Variants in TSKU observed in about 807,000 individuals in gnomAD.
The protein encoded by TSKU is tsukushi, small leucine rich proteoglycan.
A neutral mutation model predicts 11.2 loss-of-function variants in TSKU; 4 were observed. That is an observed-to-expected ratio of 0.36 (90% CI 0.18 to 0.82). The LOEUF (loss-of-function observed/expected upper bound fraction) is 0.82, where lower values mean the gene tolerates loss of function less well. TSKU is among the 40% of genes least tolerant of loss of function. The pLI, the probability that TSKU is intolerant of heterozygous loss-of-function variation, is 0.50. For missense variants in TSKU, 407 were observed against 482.5 expected (o/e 0.84, Z 1.47); for synonymous variants, 220 against 232.2 (o/e 0.95, Z 0.48).
At chr11:76,795,539 G>C in intron 1 of TSKU, 70 bp from the exon 2 acceptor site, 1 of 1,536,910 alleles carries the variant, frequency 6.5e-7, no homozygotes, top group Non-Finnish European at 8.8e-7. Context: ...GTCTAGACTG[G>C]GCTCATGTCC....
At position 76,796,500 on chromosome 11, in the gene TSKU, C is replaced by G; in HGVS notation, c.884C>G (p.Pro295Arg). Residue 295 changes from proline (P) to arginine (R), a missense_variant, in exon 2 of 2, where the codon CCT becomes CGT. Coordinates refer to ENST00000333090, the MANE Select transcript of TSKU (RefSeq NM_015516.4). This position sits in a 1 kb window ranked among gnomAD's most constrained non-coding sequence, Gnocchi z 4.1. ...TCGGGCACCAACCTGGTGCCCCTGC[C>G]TGAGGCGCTGCTCCTCCACCTCCCG... ...DLSGTNLVPL[P>R]EALLLHLPAL... The G allele has an allele frequency of 1.2e-6, 2 of 1,612,430 alleles. No individual in the cohort carries two copies. Among genetic ancestry groups the G allele is most frequent in the Non-Finnish European group, 1.7e-6 (2 of 1,179,298 alleles).
At chr11:76,788,595 A>G (rs941495797) in intron 1 of TSKU, among the ~76,000 whole-genome samples, 3 of 152,204 alleles carry the variant, frequency 2.0e-5, no homozygotes, top group Non-Finnish European at 4.4e-5. Flanking sequence ...TTTGTGTAGC[A>G]GATAGTGAGT....
At chr11:76,788,062 T>C (rs1944328892) in intron 1 of TSKU, among the ~76,000 whole-genome samples, 1 of 152,206 alleles carries the variant, frequency 6.6e-6, no homozygotes, top group Non-Finnish European at 1.5e-5. Context: ...TGAAATTCTT[T>C]CTGCCTTGCG....
Position 76,797,149 on chromosome 11 carries a change from G to A in TSKU, c.*471G>A, listed in dbSNP as rs1206416119. 3.5e-5 allele frequency: 6 copies of A among 169,278 alleles called. No individual in the cohort carries two copies. The highest frequency in any genetic ancestry group is 9.6e-5 in the African/African-American group (4 of 41,534). The allele number at this position is 169,278 out of a possible 1,614,324, so 10.5% of individuals were successfully genotyped here. On this transcript the variant is annotated 3_prime_UTR_variant, in exon 2 of 2. Coordinates refer to ENST00000333090, the MANE Select transcript of TSKU (RefSeq NM_015516.4). The stretch of plus-strand genomic sequence containing the variant: ...TCTTTGCCATGAGGCCATGAGGCCC[G>A]CTTCATCCTTTTCTATTTCCCTAGA...
rs192021090 is a variant in TSKU, at chr11:76,793,224, C to T, written c.-8-2385C>T. ...CTTTACATCAGATGCCTCTTTACAT[C>T]GGCTGTTACTACCATTGCCTCAGTT... On this transcript the variant is annotated intron_variant, in intron 1 of 1. Coordinates refer to ENST00000333090, the MANE Select transcript of TSKU (RefSeq NM_015516.4). 3.3e-4 allele frequency among the ~76,000 whole-genome samples: 51 copies of T among 152,396 alleles called. No homozygotes were observed. In the East Asian group the frequency reaches 7.5e-3, roughly 22 times the overall value.
chr11:76,787,577 G>T (rs1438205250), intron 1 of TSKU, among the ~76,000 whole-genome samples: 2 of 152,154 alleles, frequency 1.3e-5, no homozygotes, highest in Admixed American at 1.3e-4. Flanking sequence ...CTGAACAGAT[G>T]GTAGTTGAGG....
In TSKU at chr11:76,795,166, C is replaced by T. The variant is rs117600270; in HGVS notation, c.-8-443C>T. Among the ~76,000 whole-genome samples the T allele has an allele frequency of 5.1e-3, 772 of 152,308 alleles. 3 individuals carry two copies. Among genetic ancestry groups the T allele is most frequent in the Non-Finnish European group, 7.4e-3 (501 of 68,016 alleles). On this transcript the variant is annotated intron_variant, in intron 1 of 1. Coordinates refer to ENST00000333090, the MANE Select transcript of TSKU (RefSeq NM_015516.4). ...CAGCCCTGTGGATGAGCCCCTCACC[C>T]GGGGCCCGAGGTCTAGACCAAACCA...
intron 1 of TSKU, among the ~76,000 whole-genome samples, chr11:76,793,138 A>C (rs1944396878): frequency 6.6e-6 from 1 of 152,264 alleles, no homozygotes; most frequent in African/African-American, 2.4e-5. Context: ...AGGGCTGAGC[A>C]AGGAACCTAG....
intron 1 of TSKU, among the ~76,000 whole-genome samples, chr11:76,783,834 C>T (rs1459855858): frequency 6.6e-6 from 1 of 152,188 alleles, no homozygotes; most frequent in African/African-American, 2.4e-5. Context: ...CGTACGTGGT[C>T]GGTGCCTGCC....
intron 1 of TSKU, among the ~76,000 whole-genome samples, chr11:76,786,017 A>G (rs1029720222): frequency 2.0e-5 from 3 of 152,284 alleles, no homozygotes; most frequent in African/African-American, 7.2e-5. Flanking sequence ...TGTGTATTAC[A>G]TTGTGCAGAC....
At position 76,789,242 on chromosome 11, in the gene TSKU, T is replaced by C. The variant is rs150858952; in HGVS notation, c.-9+5838T>C. 2.2e-3 allele frequency among the ~76,000 whole-genome samples: 336 copies of C among 152,310 alleles called. 1 individual carries two copies. Among genetic ancestry groups the C allele is most frequent in the African/African-American group, 7.8e-3 (326 of 41,562 alleles). On this transcript the variant is annotated intron_variant, in intron 1 of 1. Coordinates refer to ENST00000333090, the MANE Select transcript of TSKU (RefSeq NM_015516.4). ...CATCAAGGGAAGGCTGTTCCCACTTTGGCTGTCAAGGAGGGTTCAAATCCA... is the reference window on the plus strand; with the variant it reads ...CATCAAGGGAAGGCTGTTCCCACTTCGGCTGTCAAGGAGGGTTCAAATCCA...
intron 1 of TSKU, among the ~76,000 whole-genome samples, chr11:76,783,668 C>T (rs1315539562): frequency 6.6e-6 from 1 of 152,208 alleles, no homozygotes; most frequent in Non-Finnish European, 1.5e-5. Context: ...ACACGTGCAT[C>T]TCACGTTTGT....
intron 1 of TSKU, among the ~76,000 whole-genome samples, chr11:76,790,885 T>C (rs767820045): frequency 2.0e-5 from 3 of 151,784 alleles, no homozygotes; most frequent in Admixed American, 6.6e-5. Context: ...CAAGCAGAGG[T>C]TGGAACAGTT....
intron 1 of TSKU, among the ~76,000 whole-genome samples, chr11:76,785,821 C>T (rs116860418): frequency 0.025 from 3,809 of 152,158 alleles, 60 homozygotes; most frequent in Non-Finnish European, 0.038. Context: ...ATCTGGAGGG[C>T]GAGTGATCCA....
rs745373044 is a variant in TSKU at position 76,796,490 on chromosome 11, G to T, written c.874G>T (p.Val292Leu). ...GCTGGACCTTTCGGGCACCAACCTG[G>T]TGCCCCTGCCTGAGGCGCTGCTCCT... is the stretch of plus-strand genomic sequence containing the variant. ...QELDLSGTNL[V>L]PLPEALLLHL... The change falls in exon 2 of 2, where the codon GTG becomes TTG. Residue 292 changes from valine (V) to leucine (L), a missense_variant. By Grantham distance (32) the Val-to-Leu change is conservative (BLOSUM62 1). Transcript: ENST00000333090. This position sits in a 1 kb window ranked among gnomAD's most constrained non-coding sequence, Gnocchi z 4.1. 2.5e-6 allele frequency: 4 copies of T among 1,612,426 alleles called. No homozygotes were observed. The highest frequency in any genetic ancestry group is 3.4e-6 in the Non-Finnish European group (4 of 1,179,528).
In TSKU at chr11:76,795,423, A is replaced by G. The variant is rs572279267; in HGVS notation, c.-8-186A>G. On this transcript the variant is annotated intron_variant, in intron 1 of 1. Transcript: ENST00000333090. ...ACCACCTGGCCTCACGCCCCTTACC[A>G]TACAAATGGAGAGGCAGAGGCCAGA... Among the ~76,000 whole-genome samples, 62 of 152,308 alleles carry G rather than the reference A, an allele frequency of 4.1e-4. 2 individuals carry two copies. In the South Asian group the frequency reaches 4.1e-3, roughly 10 times the overall value.
chr11:76,796,142 CCCA>C lies in TSKU; in HGVS notation c.528_530del (p.Thr177del), dbSNP rs767440018. On this transcript the variant is annotated inframe_deletion, in exon 2 of 2. Transcript: ENST00000333090. This position sits in a 1 kb window ranked among gnomAD's most constrained non-coding sequence, Gnocchi z 4.1. The stretch of plus-strand genomic sequence containing the variant: ...CCTCATTCACCGCCTCGTGCCCCAC[CCCA>C]CGAGGGCCGGCCTGCCTGCGCCCAC... The C allele has an allele frequency of 2.5e-6, 4 of 1,613,762 alleles. No individual in the cohort carries two copies. The East Asian group carries it at 8.9e-5, about 36-fold the overall frequency.
At chr11:76,792,494 A>G (rs1255108571) in intron 1 of TSKU, 2 of 152,152 alleles carry the variant, frequency 1.3e-5, no homozygotes, top group African/African-American at 2.4e-5. Context: ...GGGTGGAATG[A>G]TATGGTTTAG....
At position 76,796,256 on chromosome 11, in the gene TSKU, G is replaced by A; in HGVS notation, c.640G>A (p.Gly214Arg). 6.2e-7 allele frequency: 1 copy of A among 1,613,452 alleles called. No individual in the cohort carries two copies. Among genetic ancestry groups the A allele is most frequent in the Non-Finnish European group, 8.5e-7 (1 of 1,179,980 alleles). ...DLPLRYLSLD[G>R]NPLAVIGPGA... ...GCCCCTGCGCTACCTGAGCCTGGAT[G>A]GGAACCCTCTAGCTGTCATTGGTCC... is the stretch of plus-strand genomic sequence containing the variant. The change falls in exon 2 of 2, where the codon GGG becomes AGG. Residue 214 changes from glycine (G) to arginine (R), a missense_variant. By Grantham distance (125) the Gly-to-Arg change is moderately radical. Transcript: ENST00000333090. The surrounding 1 kb of genome is among the most constrained non-coding windows in gnomAD (Gnocchi z 4.1).
Sources: gnomAD v4.1 joint callset for allele counts (sites outside exome capture counted in the v4.1 genomes callset) on GRCh38, gnomAD v4.1.1 for gene constraint, Gnocchi (gnomAD v3.1) non-coding constraint, MANE v1.5 for transcripts, NCBI Gene and HGNC (gene_info 2026-07-23, HGNC 2026-07-21) for gene names.